The following SGCG variants were observed in gnomAD, a reference collection of about 807,000 sequenced individuals.
The protein encoded by SGCG is gamma-sarcoglycan.
Under a neutral mutation model 29.3 loss-of-function variants are expected in SGCG, and 26 were observed. That is an observed-to-expected ratio of 0.89 (90% CI 0.65 to 1.23). The LOEUF is 1.23. Among genes scored for constraint, SGCG ranks in the 50% most tolerant of loss-of-function variants. The pLI, the probability that SGCG is intolerant of heterozygous loss-of-function variation, is 0.00. For missense variants in SGCG, 353 were observed against 356.0 expected, an observed-to-expected ratio of 0.99 and a Z score of 0.07; for synonymous variants, 145 against 129.7, an observed-to-expected ratio of 1.12 and a Z score of -0.80.
chr13:23,251,404 T>C (rs1216053776), intron 4 of SGCG, among the ~76,000 whole-genome samples: 1 of 152,036 alleles, frequency 6.6e-6, no homozygotes, highest in East Asian at 1.9e-4. Flanking sequence ...GGGAGTGAGG[T>C]CACATGGAAT....
intron 1 of SGCG, among the ~76,000 whole-genome samples, chr13:23,184,897 C>T (rs1358010072): frequency 2.0e-5 from 3 of 152,070 alleles, no homozygotes; most frequent in Admixed American, 6.5e-5. Flanking sequence ...AAGCGAGCTC[C>T]CAAAGAAAAG....
chr13:23,207,311 A>G (rs1878019508), intron 2 of SGCG, among the ~76,000 whole-genome samples: 1 of 152,262 alleles, frequency 6.6e-6, no homozygotes, highest in Non-Finnish European at 1.5e-5. Context: ...ATACATAAAA[A>G]TGAATGCAAA....
chr13:23,299,158 A>G (rs1200153000), intron 6 of SGCG, among the ~76,000 whole-genome samples: 1 of 152,032 alleles, frequency 6.6e-6, no homozygotes, highest in Non-Finnish European at 1.5e-5. Flanking sequence ...GTAGCCACTC[A>G]TAATCGAATC....
chr13:23,192,138 G>A (rs1249205394), intron 1 of SGCG, among the ~76,000 whole-genome samples: 2 of 146,254 alleles, frequency 1.4e-5, no homozygotes, highest in Non-Finnish European at 3.0e-5. Context: ...TCGCGCCATT[G>A]CACTCCAGCC....
At chr13:23,229,315 G>C (rs935486758) in intron 2 of SGCG, among the ~76,000 whole-genome samples, 1 of 152,206 alleles carries the variant, frequency 6.6e-6, no homozygotes, top group Non-Finnish European at 1.5e-5. Context: ...TATATATCCA[G>C]TAATGGGAGG....
intron 2 of SGCG, among the ~76,000 whole-genome samples, chr13:23,218,185 A>C (rs1878504224): frequency 6.6e-6 from 1 of 152,232 alleles, no homozygotes; most frequent in Non-Finnish European, 1.5e-5. Context: ...TGAAACAAAT[A>C]AAAAGTTTAT....
chr13:23,230,774 C>CTT (rs112503271), intron 2 of SGCG, among the ~76,000 whole-genome samples: 21,407 of 151,992 alleles, frequency 0.14, 1,790 homozygotes, highest in African/African-American at 0.23. Flanking sequence ...GATACCTTTT[C>CTT]TTTCTTTCTC....
At chr13:23,221,580 A>C (rs1878658705) in intron 2 of SGCG, among the ~76,000 whole-genome samples, 2 of 152,324 alleles carry the variant, frequency 1.3e-5, no homozygotes, top group South Asian at 4.1e-4. Flanking sequence ...AAGCGCTACA[A>C]ATACAAATAC....
the SGCG span, among the ~76,000 whole-genome samples, chr13:23,172,267 T>A: frequency 6.6e-6 from 1 of 152,314 alleles, no homozygotes; most frequent in South Asian, 2.1e-4. Context: ...AGTTGGTTTG[T>A]TTTAAGGTTT....
chr13:23,259,225 G>A lies in SGCG; in HGVS notation c.385+8508G>A, dbSNP rs1418104113. ...AATTATTGCCTCAATTTCAGCGCCT[G>A]TTATTGGTCTATTCAGGGATTCAAC... On this transcript the variant is annotated intron_variant, in intron 4 of 7. Transcript: ENST00000218867. 2.0e-5 allele frequency among the ~76,000 whole-genome samples: 3 copies of A among 152,078 alleles called. No individual in the cohort carries two copies. The East Asian group carries it at 5.8e-4, about 29-fold the overall frequency.
chr13:23,260,138 G>A (rs960893139), intron 4 of SGCG, among the ~76,000 whole-genome samples: 4 of 152,164 alleles, frequency 2.6e-5, no homozygotes, highest in Non-Finnish European at 4.4e-5. Flanking sequence ...AATATTGACA[G>A]TGGGGTGTTA....
chr13:23,307,038 A>C (rs375039980), intron 6 of SGCG, among the ~76,000 whole-genome samples: 2 of 152,314 alleles, frequency 1.3e-5, no homozygotes, highest in South Asian at 4.1e-4. Context: ...ATTTTCTTTT[A>C]GCTAAACAGA....
At chr13:23,275,482 G>A (rs1175100784) in intron 4 of SGCG, among the ~76,000 whole-genome samples, 4 of 146,172 alleles carry the variant, frequency 2.7e-5, no homozygotes, top group African/African-American at 5.0e-5. Context: ...CAGCCTGGGC[G>A]ACAGAGCGAG....
At chr13:23,234,881 T>C (rs1879251656) in intron 3 of SGCG, among the ~76,000 whole-genome samples, 169 bp downstream of exon 3, 1 of 152,206 alleles carries the variant, frequency 6.6e-6, no homozygotes. Context: ...TCTCTGATAT[T>C]ACCTTCTAAA....
intron 2 of SGCG, among the ~76,000 whole-genome samples, chr13:23,230,446 T>C (rs1879065328): frequency 1.3e-5 from 2 of 152,212 alleles, no homozygotes; most frequent in South Asian, 2.1e-4. Flanking sequence ...GTTTGTGTCA[T>C]CTCTGATGTC....
chr13:23,265,134 T>C (rs539992791), intron 4 of SGCG, among the ~76,000 whole-genome samples: 1 of 151,832 alleles, frequency 6.6e-6, no homozygotes, highest in Admixed American at 6.6e-5. Context: ...AGACAGCCTA[T>C]AGAATGGGAG....
chr13:23,295,948 A>G (rs35816488), intron 6 of SGCG, among the ~76,000 whole-genome samples: 13,798 of 151,986 alleles, frequency 0.091, 689 homozygotes, highest in South Asian at 0.13. Context: ...CCCATCCCAC[A>G]CCATCCCCTC....
intron 6 of SGCG, among the ~76,000 whole-genome samples, chr13:23,319,628 A>T (rs968211575): frequency 1.3e-5 from 2 of 152,202 alleles, no homozygotes; most frequent in African/African-American, 4.8e-5. Context: ...TTCTCTCTTA[A>T]GCCACTTCCC....
chr13:23,317,190 G>A (rs923759948), intron 6 of SGCG, among the ~76,000 whole-genome samples: 2 of 141,514 alleles, frequency 1.4e-5, no homozygotes, highest in African/African-American at 2.5e-5. Context: ...GTGAGACTCC[G>A]TCTCAAAAAA....
Sources: gnomAD v4.1 joint callset for allele counts (sites outside exome capture counted in the v4.1 genomes callset) on GRCh38, gnomAD v4.1.1 for gene constraint, MANE v1.5 for transcripts, NCBI Gene and HGNC (gene_info 2026-07-23, HGNC 2026-07-21) for gene names.